CUX1: variants seen among roughly 807,000 people sequenced by gnomAD.
CUX1 encodes cut like homeobox 1.
In CUX1, 31 loss-of-function variants were observed where a neutral mutation model predicts 158.8. That is an observed-to-expected ratio of 0.20 (90% confidence interval 0.15 to 0.26). The LOEUF is 0.26. Ranked by LOEUF, CUX1 falls within the 10% of genes least tolerant of loss-of-function variation. The pLI, the probability that CUX1 is intolerant of heterozygous loss-of-function variation, is 1.00. For synonymous variants in CUX1, 879 were observed against 862.1 expected, an observed-to-expected ratio of 1.02 and a Z score of -0.34; for missense variants, 1,589 against 2,014.6, an observed-to-expected ratio of 0.79 and a Z score of 4.04.
chr7:101,910,731 A>G (rs1426310987), intron 1 of CUX1, among the ~76,000 whole-genome samples: 1 of 148,618 alleles, frequency 6.7e-6, no homozygotes, highest in Non-Finnish European at 1.5e-5. Context: ...TGGGCGACCG[A>G]GCAAGACTGT....
At chr7:102,099,475 G>GTTTT (rs111487536) in intron 5 of CUX1, among the ~76,000 whole-genome samples, 1 of 142,782 alleles carries the variant, frequency 7.0e-6, no homozygotes, top group Non-Finnish European at 1.5e-5. Context: ...GAGTATCCTG[G>GTTTT]TTTTTTTTTT....
chr7:101,821,069 A>G (rs1792420453), intron 1 of CUX1, among the ~76,000 whole-genome samples: 1 of 152,190 alleles, frequency 6.6e-6, no homozygotes, highest in South Asian at 2.1e-4. Context: ...TGGAGTGAAA[A>G]AGGAATCTAA....
intron 2 of CUX1, among the ~76,000 whole-genome samples, chr7:101,994,473 C>T (rs202157): frequency 0.71 from 107,157 of 151,974 alleles, 38,286 homozygotes; most frequent in East Asian, 0.99. Flanking sequence ...TGGTGGCACA[C>T]GCCTGTAATC....
intron 2 of CUX1, among the ~76,000 whole-genome samples, chr7:101,927,297 T>C (rs1805705415): frequency 6.6e-6 from 1 of 152,272 alleles, no homozygotes; most frequent in South Asian, 2.1e-4. Flanking sequence ...ACCACTCACT[T>C]ACTTTGAAGC....
At chr7:102,025,989 C>T (rs1177184490) in intron 2 of CUX1, among the ~76,000 whole-genome samples, 2 of 152,044 alleles carry the variant, frequency 1.3e-5, no homozygotes, top group Non-Finnish European at 2.9e-5. Flanking sequence ...CCAGCCTGGG[C>T]AACATAGCAA....
intron 23 of CUX1, among the ~76,000 whole-genome samples, chr7:102,246,194 T>G (rs1169668104): frequency 2.0e-5 from 3 of 152,024 alleles, no homozygotes; most frequent in African/African-American, 7.2e-5. Flanking sequence ...CCAGAATAGG[T>G]GGGGTGGAGA....
intron 2 of CUX1, among the ~76,000 whole-genome samples, chr7:101,993,314 A>T (rs1815390422): frequency 6.6e-6 from 1 of 151,462 alleles, no homozygotes; most frequent in Non-Finnish European, 1.5e-5. Flanking sequence ...TGGGTGACAG[A>T]GTGTGACTCC....
intron 1 of CUX1, among the ~76,000 whole-genome samples, chr7:101,866,348 G>GT (rs1489148789): frequency 6.6e-6 from 1 of 152,144 alleles, no homozygotes; most frequent in African/African-American, 2.4e-5. Flanking sequence ...GTGCACGCCT[G>GT]TATTTCCAGC....
intron 11 of CUX1, among the ~76,000 whole-genome samples, chr7:102,179,670 G>T (rs965077789): frequency 6.6e-6 from 1 of 152,166 alleles, no homozygotes; most frequent in African/African-American, 2.4e-5. Flanking sequence ...TTTATGATCC[G>T]TTGAAGCAAG....
At chr7:101,851,380 A>G in intron 1 of CUX1, among the ~76,000 whole-genome samples, 1 of 148,444 alleles carries the variant, frequency 6.7e-6, no homozygotes, top group East Asian at 2.0e-4. Context: ...ATTCCTCATC[A>G]TCTCGGGGGC....
intron 1 of CUX1, among the ~76,000 whole-genome samples, chr7:101,819,436 T>C (rs9656068): frequency 0.015 from 2,289 of 152,312 alleles, 47 homozygotes; most frequent in African/African-American, 0.052. Context: ...TTTAAGCAGC[T>C]TCTGCAAAAG....
At chr7:102,213,537 T>C (rs1240015310) in intron 20 of CUX1, among the ~76,000 whole-genome samples, 1 of 152,170 alleles carries the variant, frequency 6.6e-6, no homozygotes, top group African/African-American at 2.4e-5. Flanking sequence ...GGTTTCCCCT[T>C]CTGAAAAGGC....
chr7:102,147,343 C>T (rs2131456544), intron 8 of CUX1, among the ~76,000 whole-genome samples: 1 of 152,344 alleles, frequency 6.6e-6, no homozygotes, highest in South Asian at 2.1e-4. Context: ...TCCCCATCAG[C>T]CTCCGTGTCT....
chr7:102,211,233 G>C (rs1473021390), intron 20 of CUX1, among the ~76,000 whole-genome samples: 1 of 151,950 alleles, frequency 6.6e-6, no homozygotes, highest in Non-Finnish European at 1.5e-5. Context: ...ATCACTTGAG[G>C]TCAGAAGTTT....
chr7:101,882,807 G>A lies in CUX1; in HGVS notation c.31-33308G>A, dbSNP rs1022708543. ...ATGGAGTCTTCCTTTCTTGGTGACC[G>A]GCGCCCTCTGGGGTCACTGGAGGCC... On this transcript the variant is annotated intron_variant, in intron 1 of 23. Coordinates refer to ENST00000292535, the MANE Select transcript of CUX1 (RefSeq NM_181552.4). Among the ~76,000 whole-genome samples, 21 of 152,172 alleles carry A rather than the reference G, an allele frequency of 1.4e-4. 2 individuals are homozygous for A. The highest frequency in any genetic ancestry group is 8.5e-4 in the Admixed American group (13 of 15,274).
chr7:101,849,003 T>G, intron 1 of CUX1, among the ~76,000 whole-genome samples: 1 of 152,042 alleles, frequency 6.6e-6, no homozygotes, highest in Admixed American at 6.6e-5. Context: ...GGCCCCGGGT[T>G]TTGTTTTCTT....
At chr7:102,013,844 A>G (rs1430062352) in intron 2 of CUX1, among the ~76,000 whole-genome samples, 1 of 152,030 alleles carries the variant, frequency 6.6e-6, no homozygotes, top group Non-Finnish European at 1.5e-5. Context: ...AGCTGGGACC[A>G]TAGGCACACA....
chr7:102,099,621 T>C (rs1327336528), intron 5 of CUX1, among the ~76,000 whole-genome samples: 1 of 152,018 alleles, frequency 6.6e-6, no homozygotes, highest in Non-Finnish European at 1.5e-5. Flanking sequence ...TGCAGTTGCA[T>C]GATCATAGCT....
At chr7:102,139,152 C>T (rs141526460) in intron 8 of CUX1, among the ~76,000 whole-genome samples, 217 of 149,316 alleles carry the variant, frequency 1.5e-3, no homozygotes, top group African/African-American at 5.1e-3. Flanking sequence ...GGCTGAGACC[C>T]GGGAATCACT....
Sources: gnomAD v4.1 joint callset for allele counts (sites outside exome capture counted in the v4.1 genomes callset) on GRCh38, gnomAD v4.1.1 for gene constraint, MANE v1.5 for transcripts, NCBI Gene and HGNC (gene_info 2026-07-23, HGNC 2026-07-21) for gene names.